COLEC11: variants seen among roughly 807,000 people sequenced by gnomAD.
The protein encoded by COLEC11 is collectin subfamily member 11.
COLEC11 carries 20 observed loss-of-function variants against 27.3 expected under a neutral mutation model. The ratio of observed to expected loss-of-function variants is 0.73; its 90% CI spans 0.51 to 1.06. The LOEUF is 1.06. COLEC11 is among the 50% of genes least tolerant of loss of function. The probability of loss-of-function intolerance (pLI) is 0.00; values close to 1 mark genes in which losing one functional copy is unlikely to be tolerated. For missense variants in COLEC11, 310 were observed against 383.0 expected (o/e 0.81, Z 1.59); for synonymous variants, 163 against 154.7 (o/e 1.05, Z -0.40).
chr2:3,616,215 G>GA (rs1663714624), intron 3 of COLEC11, among the ~76,000 whole-genome samples: 1 of 151,186 alleles, frequency 6.6e-6, no homozygotes, highest in Non-Finnish European at 1.5e-5. Context: ...GCCGGGCAGA[G>GA]ACGCTCCTCA....
chr2:3,604,570 C>G lies in COLEC11; in HGVS notation c.130+100C>G, dbSNP rs139066469. 2,501 of 1,347,814 alleles carry G rather than the reference C, an allele frequency of 1.9e-3. 25 individuals are homozygous for G. The African/African-American group carries it at 0.025, about 14-fold the overall frequency. 83.5% of individuals were successfully genotyped at this position (1,347,814 alleles called of 1,614,324 possible). A position where few individuals can be genotyped will look rare whatever the true frequency, so the allele number is the denominator to read the frequency against. ...AGTTCCACGGAAAAGCACAAAGCCC[C>G]AGCAAATCTGCTTACCCCATTGGGT... On this transcript the variant is annotated intron_variant, in intron 2 of 6. Transcript: ENST00000349077.
chr2:3,604,553 G>A (rs1662487977), intron 2 of COLEC11, 83 bp downstream of exon 2: 21 of 1,483,776 alleles, frequency 1.4e-5, no homozygotes, highest in Non-Finnish European at 1.4e-5. Context: ...GCAGTTCCAC[G>A]GAAAAGCACA....
chr2:3,615,477 A>G (rs1464698895), intron 3 of COLEC11, among the ~76,000 whole-genome samples: 1 of 152,258 alleles, frequency 6.6e-6, no homozygotes, highest in Non-Finnish European at 1.5e-5. Flanking sequence ...GATTAACAGC[A>G]TCCCAAGGCA....
rs1307466661 is a variant in COLEC11 at position 3,603,000 on chromosome 2, G to C, written c.-26-1315G>C. On this transcript the variant is annotated intron_variant, in intron 1 of 6. Transcript: ENST00000349077. The surrounding 1 kb of genome is among the most constrained non-coding windows in gnomAD (Gnocchi z 6.2). Reference sequence around the variant, plus strand: ...GTTCTTGCTCTACTCCTGGTGCCTAGAGCTGTGCCTGACATTTGGTCGGCA... The same window carrying C: ...GTTCTTGCTCTACTCCTGGTGCCTACAGCTGTGCCTGACATTTGGTCGGCA... Among the ~76,000 whole-genome samples, 2 of 152,236 alleles carry C rather than the reference G, an allele frequency of 1.3e-5. No homozygotes were observed. Among genetic ancestry groups the C allele is most frequent in the African/African-American group, 4.8e-5 (2 of 41,460 alleles).
chr2:3,610,554 C>T (rs1291412991), intron 2 of COLEC11, among the ~76,000 whole-genome samples: 4 of 152,286 alleles, frequency 2.6e-5, no homozygotes, highest in Middle Eastern at 3.4e-3. Flanking sequence ...TGGCCTGGAC[C>T]GTGGCATGGG....
chr2:3,604,048 G>A (rs2147853938), intron 1 of COLEC11: 1 of 580,146 alleles, frequency 1.7e-6, no homozygotes, highest in Non-Finnish European at 3.1e-6. Flanking sequence ...TCCTTGGGGT[G>A]GGCGAGCCGT....
Position 3,640,306 on chromosome 2 carries a change from ACC to A in COLEC11, c.307_308del (p.Pro103TrpfsTer3), listed in dbSNP as rs765377397. 6.2e-7 allele frequency: 1 copy of A among 1,602,914 alleles called. No individual in the cohort carries two copies. The highest frequency in any genetic ancestry group is 2.2e-5 in the East Asian group (1 of 44,828). Reference sequence around the variant, plus strand: ...AGAAAGGAGATTCCGGTGACATAGGACCCCCTGGTCCTAATGGAGAACCAGGT... The same window carrying A: ...AGAAAGGAGATTCCGGTGACATAGGACCCTGGTCCTAATGGAGAACCAGGT... ...GEKGDSGDIGPPGPNGEPGLP... is the reference protein window; with the variant it reads ...GEKGDSGDIGXPGPNGEPGLP... On this transcript the variant is annotated frameshift_variant, in exon 5 of 7. Coordinates refer to ENST00000349077, the MANE Select transcript of COLEC11 (RefSeq NM_024027.5). LOFTEE classifies it high-confidence loss of function.
chr2:3,603,600 A>G, intron 1 of COLEC11: 1 of 1,548,888 alleles, frequency 6.5e-7, no homozygotes, highest in Non-Finnish European at 8.7e-7. Context: ...TACAGGTGTG[A>G]GCCACTGCGC....
intron 3 of COLEC11, among the ~76,000 whole-genome samples, chr2:3,626,347 CCA>C (rs1230491547): frequency 5.9e-5 from 9 of 152,248 alleles, no homozygotes; most frequent in Admixed American, 5.9e-4. Flanking sequence ...TATCGTGGCT[CCA>C]CCACCTGTCA....
chr2:3,599,490 C>T (rs935117704), intron 1 of COLEC11, among the ~76,000 whole-genome samples: 2 of 152,246 alleles, frequency 1.3e-5, no homozygotes, highest in Non-Finnish European at 2.9e-5. Context: ...ACAGTAGGAT[C>T]AGGAGCTGCC....
intron 3 of COLEC11, among the ~76,000 whole-genome samples, chr2:3,627,239 C>G (rs887100867): frequency 2.2e-4 from 34 of 151,690 alleles, no homozygotes; most frequent in Admixed American, 2.0e-4. Context: ...GGGGCTGCAA[C>G]TCAACTTCGC....
intron 3 of COLEC11, among the ~76,000 whole-genome samples, chr2:3,616,003 G>A (rs575790888): frequency 3.3e-4 from 50 of 151,322 alleles, no homozygotes; most frequent in East Asian, 1.2e-3. Flanking sequence ...CTTCTCAGAC[G>A]GGGCGGCTGC....
chr2:3,616,665 A>G (rs192743876), intron 3 of COLEC11, among the ~76,000 whole-genome samples: 3 of 152,384 alleles, frequency 2.0e-5, no homozygotes, highest in Non-Finnish European at 4.4e-5. Flanking sequence ...AGGCTGAGGC[A>G]GGAGAACCAG....
intron 2 of COLEC11, chr2:3,606,161 CTT>C: frequency 6.4e-7 from 1 of 1,550,518 alleles, no homozygotes; most frequent in Non-Finnish European, 8.7e-7. Context: ...GAGAGCTGGA[CTT>C]TTGGCTGTGG....
At chr2:3,608,788 C>T (rs532319838) in intron 2 of COLEC11, among the ~76,000 whole-genome samples, 56 of 152,362 alleles carry the variant, frequency 3.7e-4, no homozygotes, top group African/African-American at 1.3e-3. Context: ...CGACGGGGAC[C>T]GTGGAGAAAC....
chr2:3,621,752 A>G lies in COLEC11; in HGVS notation c.202+8370A>G, dbSNP rs142105117. ...CCACAAGGCTTATATAAAACATTTT[A>G]TAGTTATAACAGTCTATGCTAAACT... On this transcript the variant is annotated intron_variant, in intron 3 of 6. Transcript: ENST00000349077. Among the ~76,000 whole-genome samples, 48 of 152,340 alleles carry G rather than the reference A, an allele frequency of 3.2e-4. No homozygotes were observed. The East Asian group carries it at 8.9e-3, about 28-fold the overall frequency.
rs1273616800 is a variant in COLEC11, at chr2:3,643,765, C to T, written c.463C>T (p.Leu155=). The change falls in exon 7 of 7, where the codon CTG becomes TTG. Residue 155 remains leucine, a synonymous_variant. Coordinates refer to ENST00000349077, the MANE Select transcript of COLEC11 (RefSeq NM_024027.5). ...GCGCGAGACGGAGAGCAAGATCTAC[C>T]TGCTGGTGAAGGAGGAGAAGCGCTA... The part of the protein sequence containing the change: ...GVRETESKIY[L]LVKEEKRYAD... The T allele has an allele frequency of 1.2e-6, 2 of 1,613,674 alleles. No homozygotes were observed. The highest frequency in any genetic ancestry group is 1.3e-5 in the African/African-American group (1 of 75,074).
At chr2:3,643,397 C>A in intron 5 of COLEC11, 47 bp from the exon 6 acceptor site, 1 of 1,483,344 alleles carries the variant, frequency 6.7e-7, no homozygotes, top group Non-Finnish European at 9.4e-7. Flanking sequence ...TCTTCTGAGT[C>A]CGAGTCCTCA....
At chr2:3,618,459 A>G (rs1663944463) in intron 3 of COLEC11, among the ~76,000 whole-genome samples, 2 of 152,112 alleles carry the variant, frequency 1.3e-5, no homozygotes, top group African/African-American at 4.8e-5. Flanking sequence ...GCCTTTGTTG[A>G]AGGTTAGTTG....
Sources: gnomAD v4.1 joint callset for allele counts (sites outside exome capture counted in the v4.1 genomes callset) on GRCh38, gnomAD v4.1.1 for gene constraint, Gnocchi (gnomAD v3.1) non-coding constraint, MANE v1.5 for transcripts, NCBI Gene and HGNC (gene_info 2026-07-23, HGNC 2026-07-21) for gene names.